The following PIAS2 variants were observed in gnomAD, a reference collection of about 807,000 sequenced individuals.
The protein encoded by PIAS2 is protein inhibitor of activated STAT 2.
A neutral mutation model predicts 69.7 loss-of-function variants in PIAS2; 19 were observed. That is an observed-to-expected ratio of 0.27 (90% CI 0.19 to 0.40). PIAS2 has a LOEUF of 0.40. Ranked by LOEUF, PIAS2 falls within the 10% of genes least tolerant of loss-of-function variation. The probability of loss-of-function intolerance (pLI) is 1.00; values close to 1 mark genes in which losing one functional copy is unlikely to be tolerated. For synonymous variants in PIAS2, 261 were observed against 263.2 expected (o/e 0.99, Z 0.08); for missense variants, 624 against 757.0 (o/e 0.82, Z 2.06).
chr18:46,827,872 C>T (rs2043039487), intron 11 of PIAS2, 87 bp downstream of exon 11: 2 of 1,163,924 alleles, frequency 1.7e-6, no homozygotes, highest in South Asian at 1.7e-5. Context: ...TACAGTTATG[C>T]CATTTCCCAA....
intron 12 of PIAS2, chr18:46,818,356 ATTAT>A (rs774973547): frequency 1.3e-6 from 2 of 1,521,960 alleles, no homozygotes; most frequent in Non-Finnish European, 1.8e-6. Context: ...ATAAATACAA[ATTAT>A]TTGTTTTATT....
rs750691272 is a variant in PIAS2, at chr18:46,820,964, C to T, written c.1617G>A (p.Thr539=). The T allele has an allele frequency of 9.3e-6, 15 of 1,612,376 alleles. No homozygotes were observed. Among genetic ancestry groups the T allele is most frequent in the South Asian group, 4.4e-5 (4 of 90,898 alleles). Residue 539 remains threonine, a synonymous_variant, in exon 12 of 14, where the codon ACG becomes ACA. Transcript: ENST00000585916. The part of the protein sequence containing the change: ...LTDYSVPFHH[T]PISSMSSDLP... ...AATCTGATGACATGCTTGATATTGG[C>T]GTATGGTGGAATGGTACTGAGTAGT...
rs992796200 is a variant in PIAS2 at position 46,891,614 on chromosome 18, T to A, written c.25-560A>T. 206 of 755,692 alleles carry A rather than the reference T, an allele frequency of 2.7e-4. No individual in the cohort carries two copies. In the African/African-American group the frequency reaches 3.8e-3, roughly 14 times the overall value. The allele number at this position is 755,692 out of a possible 1,614,324, so 46.8% of individuals were successfully genotyped here. A position where few individuals can be genotyped will look rare whatever the true frequency, so the allele number is the denominator to read the frequency against. On this transcript the variant is annotated intron_variant, in intron 1 of 13. Coordinates refer to ENST00000585916, the MANE Select transcript of PIAS2 (RefSeq NM_004671.5). ...AACAAACAACATAATAAAGATATTT[T>A]AAAATATTAAAGCTAAAAAATCACA... is the stretch of plus-strand genomic sequence containing the variant.
chr18:46,840,065 G>A (rs2045123671), intron 8 of PIAS2, among the ~76,000 whole-genome samples: 2 of 152,100 alleles, frequency 1.3e-5, no homozygotes, highest in African/African-American at 4.8e-5. Context: ...GGAGGCTGAG[G>A]CAGGAGAATT....
At chr18:46,844,235 T>A in intron 7 of PIAS2, 108 bp from the exon 8 acceptor site, 1 of 455,192 alleles carries the variant, frequency 2.2e-6, no homozygotes, top group Middle Eastern at 5.9e-4. Flanking sequence ...TATTAATGTA[T>A]TGACAACACG....
In PIAS2 at chr18:46,803,478, T is replaced by C. The variant is rs1311587881; in HGVS notation, c.*8955A>G. On this transcript the variant is annotated 3_prime_UTR_variant, in exon 14 of 14. Transcript: ENST00000585916. ...TCCTTGTGTTCCTTTTCCAGTCTTC[T>C]TTTCTCACTCATCAACTCCTCTGGA... 6.6e-6 allele frequency: 1 copy of C among 152,248 alleles called. No homozygotes were observed. The highest frequency in any genetic ancestry group is 1.5e-5 in the Non-Finnish European group (1 of 68,056). 9.4% of individuals were successfully genotyped at this position (152,248 alleles called of 1,614,324 possible). A position where few individuals can be genotyped will look rare whatever the true frequency, so the allele number is the denominator to read the frequency against.
chr18:46,917,289 C>T, intron 1 of PIAS2, 33 bp downstream of exon 1: 1 of 1,458,910 alleles, frequency 6.9e-7, no homozygotes, highest in Non-Finnish European at 9.1e-7. Flanking sequence ...CCCATCCCCT[C>T]CCCCGCGGCC....
intron 2 of PIAS2, among the ~76,000 whole-genome samples, chr18:46,879,595 A>C (rs1214590294): frequency 6.6e-6 from 1 of 152,220 alleles, no homozygotes; most frequent in Non-Finnish European, 1.5e-5. Flanking sequence ...AATCTTGAAG[A>C]GATGTTTGTA....
chr18:46,895,619 G>A (rs763920772), intron 1 of PIAS2, among the ~76,000 whole-genome samples: 4 of 152,142 alleles, frequency 2.6e-5, no homozygotes, highest in South Asian at 4.2e-4. Context: ...TGCGGTGAGC[G>A]GAGATCACAC....
intron 2 of PIAS2, among the ~76,000 whole-genome samples, chr18:46,882,495 C>T (rs1027222298): frequency 2.0e-5 from 3 of 152,118 alleles, no homozygotes; most frequent in Admixed American, 2.0e-4. Flanking sequence ...ATAAAATATT[C>T]ATATTTTGAC....
chr18:46,869,921 G>A (rs2050073957), intron 2 of PIAS2, among the ~76,000 whole-genome samples: 1 of 152,088 alleles, frequency 6.6e-6, no homozygotes, highest in East Asian at 1.9e-4. Context: ...GCTATAGGAA[G>A]TAAGCCAGAA....
intron 11 of PIAS2, among the ~76,000 whole-genome samples, chr18:46,826,176 G>A (rs1027309365): frequency 6.6e-6 from 1 of 152,144 alleles, no homozygotes; most frequent in African/African-American, 2.4e-5. Flanking sequence ...ACCAATGTTA[G>A]TTTTTGTTTT....
At chr18:46,833,206 C>T (rs377134112) in intron 9 of PIAS2, among the ~76,000 whole-genome samples, 2 of 152,250 alleles carry the variant, frequency 1.3e-5, no homozygotes, top group African/African-American at 4.8e-5. Context: ...TAGAATGCAA[C>T]TCAGCAATAA....
At chr18:46,820,048 C>G (rs1010744755) in intron 12 of PIAS2, among the ~76,000 whole-genome samples, 4 of 152,110 alleles carry the variant, frequency 2.6e-5, no homozygotes, top group African/African-American at 9.7e-5. Flanking sequence ...ACACACTATT[C>G]TGAATAGTCT....
intron 5 of PIAS2, among the ~76,000 whole-genome samples, chr18:46,854,275 A>G (rs535001317): frequency 5.3e-5 from 8 of 152,240 alleles, no homozygotes; most frequent in East Asian, 1.9e-4. Flanking sequence ...TACTGCTCAT[A>G]TATTAGTCCA....
chr18:46,841,938 T>C (rs1210409227), intron 8 of PIAS2, among the ~76,000 whole-genome samples: 1 of 152,172 alleles, frequency 6.6e-6, no homozygotes, highest in Non-Finnish European at 1.5e-5. Context: ...TCACTATTAT[T>C]GAAAGTTTGG....
Position 46,808,881 on chromosome 18 carries a change from G to A in PIAS2, c.*3552C>T, listed in dbSNP as rs1255189334. On this transcript the variant is annotated 3_prime_UTR_variant, in exon 14 of 14. Transcript: ENST00000585916. Reference sequence around the variant, plus strand: ...GGCCAGAGAAATGAAAGGCATACCCGTGAATTAAATTAATGCTTTAAAAAA... The same window carrying A: ...GGCCAGAGAAATGAAAGGCATACCCATGAATTAAATTAATGCTTTAAAAAA... 2.9e-5 allele frequency: 4 copies of A among 138,340 alleles called. No individual in the cohort carries two copies. Among genetic ancestry groups the A allele is most frequent in the East Asian group, 2.1e-4 (1 of 4,796 alleles). The allele number at this position is 138,340 out of a possible 1,614,324, so 8.6% of individuals were successfully genotyped here. A position where few individuals can be genotyped will look rare whatever the true frequency, so the allele number is the denominator to read the frequency against.
At chr18:46,838,874 C>T (rs72907155) in intron 8 of PIAS2, among the ~76,000 whole-genome samples, 6,236 of 152,246 alleles carry the variant, frequency 0.041, 171 homozygotes, top group Non-Finnish European at 0.065. Context: ...AGTTTTATAA[C>T]ATTACAAATG....
chr18:46,917,693 C>T, upstream of PIAS2: 1 of 391,234 alleles, frequency 2.6e-6, no homozygotes, highest in Non-Finnish European at 3.5e-6. Context: ...CCTTCCCTCC[C>T]CGGCGGAGGC....
Sources: allele counts gnomAD v4.1 joint callset (sites outside exome capture counted in the v4.1 genomes callset), GRCh38; gene constraint gnomAD v4.1.1; transcripts MANE v1.5; gene names NCBI Gene and HGNC (gene_info 2026-07-23, HGNC 2026-07-21).